SPEG: variants seen among roughly 807,000 people sequenced by gnomAD.
SPEG encodes striated muscle preferentially expressed protein kinase.
A neutral mutation model predicts 300.4 loss-of-function variants in SPEG; 114 were observed. That is an observed-to-expected ratio of 0.38 (90% confidence interval 0.33 to 0.44). The LOEUF (loss-of-function observed/expected upper bound fraction) is 0.44, where lower values mean the gene tolerates loss of function less well. Ranked by LOEUF, SPEG falls within the 20% of genes least tolerant of loss-of-function variation. The pLI is 1.00. For synonymous variants in SPEG, 1,964 were observed against 2,018.9 expected (o/e 0.97, Z 0.73); for missense variants, 4,201 against 4,586.2 (o/e 0.92, Z 2.43).
At chr2:219,460,080 G>T (rs111786227) in intron 6 of SPEG, among the ~76,000 whole-genome samples, 3,123 of 152,362 alleles carry the variant, frequency 0.02, 59 homozygotes, top group African/African-American at 0.048. Context: ...GGCAGCCCCC[G>T]CTGTCCTCTT....
At chr2:219,465,978 C>T in intron 9 of SPEG, 5 of 1,242,450 alleles carry the variant, frequency 4.0e-6, no homozygotes, top group Non-Finnish European at 4.6e-6. Flanking sequence ...CGTGTGTGTG[C>T]ATGTGTGTGT....
At position 219,485,004 on chromosome 2, in the gene SPEG, A is replaced by C; in HGVS notation, c.7541A>C (p.Gln2514Pro). ...CTTCCGCACAACCAGTTGGCCGCCC[A>C]GGCCGGCGCCACCACGCCTTCCGCC... is the stretch of plus-strand genomic sequence containing the variant. ...LGLPHNQLAA[Q>P]AGATTPSAES... Residue 2514 changes from glutamine (Q) to proline (P), a missense_variant, in exon 30 of 41, where the codon CAG becomes CCG. Gln to Pro is a moderately conservative substitution (Grantham distance 76, BLOSUM62 -1). This residue lies in a region of SPEG where 1,578 missense variants were observed against 1,506.0 expected (regional missense o/e 1.05). Coordinates refer to ENST00000312358, the MANE Select transcript of SPEG (RefSeq NM_005876.5). The C allele has an allele frequency of 6.5e-7, 1 of 1,531,462 alleles. No homozygotes were observed. Among genetic ancestry groups the C allele is most frequent in the South Asian group, 1.2e-5 (1 of 83,802 alleles). The allele number at this position is 1,531,462 out of a possible 1,614,324, so 94.9% of individuals were successfully genotyped here.
chr2:219,443,009 A>G lies in SPEG; in HGVS notation c.389-1644A>G. The G allele has an allele frequency of 1.0e-6, 1 of 958,448 alleles. No homozygotes were observed. The highest frequency in any genetic ancestry group is 1.6e-6 in the Non-Finnish European group (1 of 617,014). 59.4% of individuals were successfully genotyped at this position (958,448 alleles called of 1,614,324 possible). On this transcript the variant is annotated intron_variant, in intron 1 of 40. Transcript: ENST00000312358. The surrounding 1 kb of genome is among the most constrained non-coding windows in gnomAD (Gnocchi z 4.6). ...CCTCTCACACACACACTGGCCAGGG[A>G]ATGAGTTTCTGCTTGATGTTGCAGG...
At chr2:219,475,059 A>G (rs1692221069) in intron 18 of SPEG, among the ~76,000 whole-genome samples, 1 of 152,132 alleles carries the variant, frequency 6.6e-6, no homozygotes, top group South Asian at 2.1e-4. Context: ...TGCTGAGATT[A>G]TAGATGTGAG....
At chr2:219,491,415 A>G (rs1222594456) in intron 38 of SPEG, among the ~76,000 whole-genome samples, 1 of 152,104 alleles carries the variant, frequency 6.6e-6, no homozygotes. Flanking sequence ...CCATAGCTAG[A>G]AGGGGCAGGT....
chr2:219,460,177 G>A (rs1690538441), intron 6 of SPEG: 2 of 471,808 alleles, frequency 4.2e-6, no homozygotes, highest in South Asian at 1.8e-4. Context: ...CTTAGGCCCT[G>A]TGGTGGCTGC....
At position 219,480,595 on chromosome 2, in the gene SPEG, C is replaced by T; in HGVS notation, c.5343-76C>T. On this transcript the variant is annotated intron_variant, in intron 25 of 40. Coordinates refer to ENST00000312358, the MANE Select transcript of SPEG (RefSeq NM_005876.5). This position sits in a 1 kb window ranked among gnomAD's most constrained non-coding sequence, Gnocchi z 5.3. ...CAGGGAGGTAACAGCTCACTCAGGT[C>T]AGCAGTAGCAAAGAACTGCTCCCTT... 6.8e-7 allele frequency: 1 copy of T among 1,468,112 alleles called. No homozygotes were observed. The highest frequency in any genetic ancestry group is 9.5e-7 in the Non-Finnish European group (1 of 1,047,208). 90.9% of individuals were successfully genotyped at this position (1,468,112 alleles called of 1,614,324 possible).
chr2:219,482,536 C>T (rs1254683756), intron 28 of SPEG: 7 of 513,810 alleles, frequency 1.4e-5, no homozygotes, highest in Non-Finnish European at 2.4e-5. Context: ...AGAAGCCTAC[C>T]TAGGGGAGCC....
chr2:219,466,070 G>T (rs1691315690), intron 9 of SPEG: 2 of 1,603,498 alleles, frequency 1.2e-6, no homozygotes, highest in Non-Finnish European at 1.7e-6. Context: ...AGTGAGCTCA[G>T]GGGGCCACCT....
At chr2:219,449,312 G>C in intron 4 of SPEG, 41 bp downstream of exon 4, 1 of 1,340,652 alleles carries the variant, frequency 7.5e-7, no homozygotes, top group Non-Finnish European at 9.6e-7. Flanking sequence ...CTGAACCCCC[G>C]TCGGGGGGCG....
At position 219,484,516 on chromosome 2, in the gene SPEG, G is replaced by A. The variant is rs1257508372; in HGVS notation, c.7053G>A (p.Leu2351=). Residue 2351 remains leucine (L), a synonymous_variant, in exon 30 of 41, where the codon CTG becomes CTA. Coordinates refer to ENST00000312358, the MANE Select transcript of SPEG (RefSeq NM_005876.5). Reference sequence around the variant, plus strand: ...CGCCCCTGTCGCTGGGGCTGCGGCTGCTGAGCCGTTCGCGCTCGGAGGAGC... The same window carrying A: ...CGCCCCTGTCGCTGGGGCTGCGGCTACTGAGCCGTTCGCGCTCGGAGGAGC... The part of the protein sequence containing the change: ...RESPLSLGLR[L]LSRSRSEERG... 1.3e-6 allele frequency: 2 copies of A among 1,597,282 alleles called. No individual in the cohort carries two copies. The highest frequency in any genetic ancestry group is 4.5e-5 in the East Asian group (2 of 44,268).
intron 8 of SPEG, among the ~76,000 whole-genome samples, chr2:219,463,192 T>C (rs1690895018): frequency 6.6e-6 from 1 of 151,434 alleles, no homozygotes; most frequent in African/African-American, 2.4e-5. Flanking sequence ...CTGGACAATA[T>C]AGCAAGACCC....
Position 219,477,378 on chromosome 2 carries a change from CT to C in SPEG, c.4663del (p.Tyr1555ThrfsTer64). 1 of 1,611,844 alleles carries C rather than the reference CT, an allele frequency of 6.2e-7. No individual in the cohort carries two copies. The highest frequency in any genetic ancestry group is 8.5e-7 in the Non-Finnish European group (1 of 1,179,098). Reference protein sequence around the residue: ...LSTGAQDGGVYTCTAQNLAGE... With the variant: ...LSTGAQDGGVXTCTAQNLAGE... ...GCACGGGGGCCCAGGATGGAGGCGT[CT>C]ACACCTGCACCGCCCAGAACCTGGC... On this transcript the variant is annotated frameshift_variant, in exon 20 of 41. Coordinates refer to ENST00000312358, the MANE Select transcript of SPEG (RefSeq NM_005876.5). LOFTEE classifies it high-confidence loss of function. The surrounding 1 kb of genome is among the most constrained non-coding windows in gnomAD (Gnocchi z 6.4).
At chr2:219,460,240 C>G (rs1177209696) in intron 6 of SPEG, 18 of 921,242 alleles carry the variant, frequency 2.0e-5, no homozygotes, top group Non-Finnish European at 2.2e-5. Context: ...ATTCTGGGCC[C>G]CCTCAGATTC....
chr2:219,456,378 C>T (rs116509431), intron 6 of SPEG, among the ~76,000 whole-genome samples: 2,008 of 152,320 alleles, frequency 0.013, 47 homozygotes, highest in African/African-American at 0.045. Context: ...CGTCAGTCCT[C>T]GATGGGGGTT....
chr2:219,447,792 C>T (rs899182814), intron 3 of SPEG, among the ~76,000 whole-genome samples, 182 bp from the exon 4 acceptor site: 12 of 151,838 alleles, frequency 7.9e-5, no homozygotes, highest in Non-Finnish European at 4.4e-5. Flanking sequence ...CCGCCGGCCT[C>T]TCCCCAGCAC....
rs779217730 is a variant in SPEG, at chr2:219,479,946, G to A, written c.5164-16G>A. ...CTTGTTCATTTGGCCCGCACACCTC[G>A]CCTTGTGTCTTCCAGCCTGAGAACC... On this transcript the variant is annotated splice_polypyrimidine_tract_variant and intron_variant, in intron 24 of 40. Coordinates refer to ENST00000312358, the MANE Select transcript of SPEG (RefSeq NM_005876.5). The surrounding 1 kb of genome is among the most constrained non-coding windows in gnomAD (Gnocchi z 5.5). The A allele has an allele frequency of 7.4e-6, 12 of 1,614,044 alleles. No individual in the cohort carries two copies. Among genetic ancestry groups the A allele is most frequent in the Admixed American group, 1.7e-5 (1 of 60,004 alleles).
rs191972296 is a variant in SPEG, at chr2:219,480,377, C to T, written c.5342+237C>T. Among the ~76,000 whole-genome samples the T allele has an allele frequency of 5.3e-4, 80 of 152,278 alleles. No individual in the cohort carries two copies. The highest frequency in any genetic ancestry group is 1.5e-3 in the African/African-American group (62 of 41,558). ...TTGACTCCTTGTCTCCCCTGGAAGC[C>T]GGGCCTTCCCCTCAGCATTCAGCCT... On this transcript the variant is annotated intron_variant, in intron 25 of 40. Coordinates refer to ENST00000312358, the MANE Select transcript of SPEG (RefSeq NM_005876.5). This position sits in a 1 kb window ranked among gnomAD's most constrained non-coding sequence, Gnocchi z 5.3.
At position 219,480,407 on chromosome 2, in the gene SPEG, C is replaced by T. The variant is rs1304603041; in HGVS notation, c.5343-264C>T. On this transcript the variant is annotated intron_variant, in intron 25 of 40. Transcript: ENST00000312358. The surrounding 1 kb of genome is among the most constrained non-coding windows in gnomAD (Gnocchi z 5.3). ...CTTCCCCTCAGCATTCAGCCTGCCT[C>T]CTCCAGTAAGGCAGGCATGGTCCCA... 6.6e-6 allele frequency among the ~76,000 whole-genome samples: 1 copy of T among 152,154 alleles called. No homozygotes were observed. The highest frequency in any genetic ancestry group is 1.5e-5 in the Non-Finnish European group (1 of 67,990).
Sources: allele counts gnomAD v4.1 joint callset (sites outside exome capture counted in the v4.1 genomes callset), GRCh38; gene constraint gnomAD v4.1.1; regional missense constraint gnomAD v4.1.1; non-coding constraint Gnocchi (gnomAD v3.1); transcripts MANE v1.5; gene names NCBI Gene and HGNC (gene_info 2026-07-23, HGNC 2026-07-21).